Variants in CPO observed in about 807,000 individuals in gnomAD.
CPO encodes metallocarboxypeptidase C.
Under a neutral mutation model 41.2 loss-of-function variants are expected in CPO, and 43 were observed. That is an observed-to-expected ratio of 1.04 (90% confidence interval 0.82 to 1.35). CPO has a LOEUF of 1.35. Among genes scored for constraint, CPO ranks in the 40% most tolerant of loss-of-function variants. The pLI, the probability that CPO is intolerant of heterozygous loss-of-function variation, is 0.00. For missense variants in CPO, 408 were observed against 451.7 expected, an observed-to-expected ratio of 0.90 and a Z score of 0.88; for synonymous variants, 178 against 162.7, an observed-to-expected ratio of 1.09 and a Z score of -0.72.
chr2:206,966,272 G>A (rs1693574561), intron 7 of CPO, among the ~76,000 whole-genome samples: 1 of 151,914 alleles, frequency 6.6e-6, no homozygotes, highest in South Asian at 2.1e-4. Context: ...CACTGGGATG[G>A]CAAGTGTAGT....
intron 8 of CPO, among the ~76,000 whole-genome samples, 193 bp from the exon 9 acceptor site, chr2:206,968,981 T>C (rs1017415929): frequency 6.6e-5 from 10 of 152,208 alleles, no homozygotes; most frequent in African/African-American, 2.4e-4. Flanking sequence ...GGGACAGAGA[T>C]ACTGAATAAG....
intron 1 of CPO, among the ~76,000 whole-genome samples, chr2:206,946,969 T>C (rs1027908590): frequency 6.6e-6 from 1 of 152,112 alleles, no homozygotes. Flanking sequence ...AAGAACTAAA[T>C]AAATGGAAAG....
rs778413157 is a variant in CPO at position 206,960,955 on chromosome 2, T to A, written c.574+13T>A. On this transcript the variant is annotated intron_variant, in intron 6 of 8. Transcript: ENST00000272852. ...GCATCTTGGTGTAGTAAGTACATGC[T>A]TAGTAGATGAATTATGAACAAATAA... The A allele has an allele frequency of 2.4e-5, 36 of 1,492,978 alleles. No individual in the cohort carries two copies. The highest frequency in any genetic ancestry group is 3.4e-5 in the Non-Finnish European group (36 of 1,069,518). 92.5% of individuals were successfully genotyped at this position (1,492,978 alleles called of 1,614,324 possible). A position where few individuals can be genotyped will look rare whatever the true frequency, so the allele number is the denominator to read the frequency against.
At chr2:206,945,253 T>C (rs1192954364) in intron 1 of CPO, among the ~76,000 whole-genome samples, 1 of 114,644 alleles carries the variant, frequency 8.7e-6, no homozygotes, top group Non-Finnish European at 2.1e-5. Context: ...CATAGAAATG[T>C]TAGCTAATTA....
intron 1 of CPO, among the ~76,000 whole-genome samples, chr2:206,947,457 A>G (rs1303274619): frequency 6.6e-6 from 1 of 152,218 alleles, no homozygotes; most frequent in Admixed American, 6.5e-5. Context: ...TCTAGAAGAT[A>G]GCATAAGAGA....
chr2:206,949,723 G>A lies in CPO; in HGVS notation c.165+10G>A. On this transcript the variant is annotated intron_variant, in intron 2 of 8. Coordinates refer to ENST00000272852, the MANE Select transcript of CPO (RefSeq NM_173077.3). ...CCACCCCATGGGAGAGGTAAGGAAG[G>A]ACACATGGCAGGAGGTTGGTGGTTG... 6.4e-7 allele frequency: 1 copy of A among 1,574,708 alleles called. No individual in the cohort carries two copies. Among genetic ancestry groups the A allele is most frequent in the Non-Finnish European group, 8.7e-7 (1 of 1,144,426 alleles).
At position 206,959,355 on chromosome 2, in the gene CPO, G is replaced by A. The variant is rs186453020; in HGVS notation, c.373-276G>A. Among the ~76,000 whole-genome samples, 3 of 152,252 alleles carry A rather than the reference G, an allele frequency of 2.0e-5. No homozygotes were observed. In the East Asian group the frequency reaches 5.8e-4, roughly 29 times the overall value. Reference sequence around the variant, plus strand: ...AGTCTTGGGCTCCATTTCAAACCTAGTAAATTAGAAATGTGCGGAGACAGG... The same window carrying A: ...AGTCTTGGGCTCCATTTCAAACCTAATAAATTAGAAATGTGCGGAGACAGG... On this transcript the variant is annotated intron_variant, in intron 4 of 8. Coordinates refer to ENST00000272852, the MANE Select transcript of CPO (RefSeq NM_173077.3).
rs549450064 is a variant in CPO, at chr2:206,968,352, G to A, written c.862+5G>A. 1.3e-6 allele frequency: 2 copies of A among 1,571,706 alleles called. No homozygotes were observed. The highest frequency in any genetic ancestry group is 2.7e-5 in the African/African-American group (2 of 74,212). On this transcript the variant is annotated splice_donor_5th_base_variant and intron_variant, in intron 8 of 8. Coordinates refer to ENST00000272852, the MANE Select transcript of CPO (RefSeq NM_173077.3). ...GATCGAGTGCAGATATTTTATGTAA[G>A]TATCTTTTTTTGCCTCTTCAATAGT...
At chr2:206,939,706 T>C (rs1340086217) in intron 1 of CPO, 39 bp downstream of exon 1, 4 of 1,556,764 alleles carry the variant, frequency 2.6e-6, no homozygotes, top group Non-Finnish European at 3.5e-6. Flanking sequence ...TTATTATAAT[T>C]TAGATTGTCT....
chr2:206,964,452 G>A (rs1693534633), intron 7 of CPO, among the ~76,000 whole-genome samples: 4 of 152,274 alleles, frequency 2.6e-5, no homozygotes, highest in Admixed American at 2.0e-4. Context: ...GAAACTCTGA[G>A]TTAACTTTAT....
rs565175281 is a variant in CPO, at chr2:206,950,746, T to C, written c.165+1033T>C. Among the ~76,000 whole-genome samples the C allele has an allele frequency of 3.9e-5, 6 of 152,138 alleles. No homozygotes were observed. The South Asian group carries it at 1.2e-3, about 32-fold the overall frequency. ...TACACCATGGAATACTATGCAGCCA[T>C]AAAAAAGGATGAGTTCATGTCCTTT... is the stretch of plus-strand genomic sequence containing the variant. On this transcript the variant is annotated intron_variant, in intron 2 of 8. Transcript: ENST00000272852.
chr2:206,950,990 T>A (rs935039249), intron 2 of CPO, among the ~76,000 whole-genome samples: 1 of 151,870 alleles, frequency 6.6e-6, no homozygotes, highest in African/African-American at 2.4e-5. Flanking sequence ...AATGACAAGT[T>A]GATGGGTGAA....
chr2:206,948,419 T>C (rs749115770), intron 1 of CPO, among the ~76,000 whole-genome samples: 2 of 152,134 alleles, frequency 1.3e-5, no homozygotes, highest in Non-Finnish European at 2.9e-5. Context: ...TGCCAGGGGT[T>C]AGGGAAAGGG....
At chr2:206,967,351 A>ATCTATATATATATATATATATC (rs1491129937) in intron 7 of CPO, among the ~76,000 whole-genome samples, 3 of 138,882 alleles carry the variant, frequency 2.2e-5, no homozygotes, top group African/African-American at 8.6e-5. Flanking sequence ...ATATATATAT[A>ATCTATATATATATATATATATC]GATATATAGA....
chr2:206,950,388 C>T (rs879133993), intron 2 of CPO, among the ~76,000 whole-genome samples: 1 of 152,148 alleles, frequency 6.6e-6, no homozygotes, highest in Non-Finnish European at 1.5e-5. Context: ...GAAATACCAT[C>T]TCACGTCTAG....
At chr2:206,949,163 C>T (rs1296337106) in intron 1 of CPO, among the ~76,000 whole-genome samples, 2 of 151,674 alleles carry the variant, frequency 1.3e-5, no homozygotes, top group Non-Finnish European at 1.5e-5. Context: ...GGGTTTAAAG[C>T]CCTAATAACA....
chr2:206,945,694 T>C (rs1693129778), intron 1 of CPO, among the ~76,000 whole-genome samples: 1 of 152,234 alleles, frequency 6.6e-6, no homozygotes, highest in South Asian at 2.1e-4. Flanking sequence ...GAGGAGGCAC[T>C]GAGTAGCTTT....
Position 206,969,307 on chromosome 2 carries a change from G to T in CPO, c.996G>T (p.Glu332Asp), listed in dbSNP as rs146349942. The change falls in exon 9 of 9, where the codon GAG becomes GAT. Residue 332 changes from glutamate (E) to aspartate (D), a missense_variant. Transcript: ENST00000272852. ...PEAQIQPTCE[E>D]TMEAVLSVLD... ...CTCAGATCCAGCCCACCTGTGAGGA[G>T]ACCATGGAGGCTGTGCTGTCAGTCC... 867 of 1,614,110 alleles carry T rather than the reference G, an allele frequency of 5.4e-4. 1 individual carries two copies. Among genetic ancestry groups the T allele is most frequent in the Non-Finnish European group, 5.7e-4 (670 of 1,179,998 alleles).
rs1693638948 is a variant in CPO, at chr2:206,969,212, A to G, written c.901A>G (p.Ile301Val). 5.0e-6 allele frequency: 8 copies of G among 1,614,088 alleles called. No individual in the cohort carries two copies. Among genetic ancestry groups the G allele is most frequent in the Non-Finnish European group, 6.8e-6 (8 of 1,179,960 alleles). The part of the protein sequence containing the change: ...SGSSRDWARD[I>V]GIPFSYTFEL... ...GTCTTCAAGAGATTGGGCCCGAGAC[A>G]TTGGGATTCCCTTCTCATATACGTT... Residue 301 changes from isoleucine to valine, a missense_variant, in exon 9 of 9, where the codon ATT (isoleucine) becomes GTT (valine). Coordinates refer to ENST00000272852, the MANE Select transcript of CPO (RefSeq NM_173077.3).
Sources: allele counts gnomAD v4.1 joint callset (sites outside exome capture counted in the v4.1 genomes callset), GRCh38; gene constraint gnomAD v4.1.1; transcripts MANE v1.5; gene names NCBI Gene and HGNC (gene_info 2026-07-23, HGNC 2026-07-21).